The following TWIST2 variants were observed in gnomAD, a reference collection of about 807,000 sequenced individuals.
TWIST2 encodes the protein twist-related protein 2.
A neutral mutation model predicts 11.6 loss-of-function variants in TWIST2; 1 was observed. That is an observed-to-expected ratio of 0.09 (90% confidence interval 0.03 to 0.41). TWIST2 has a LOEUF of 0.41. Among genes scored for constraint, TWIST2 ranks in the 10% least tolerant of loss-of-function variants. TWIST2 has a pLI of 0.98. For missense variants in TWIST2, 168 were observed against 226.4 expected (o/e 0.74, Z 1.66); for synonymous variants, 87 against 96.6 (o/e 0.90, Z 0.58).
At chr2:238,873,729 G>A (rs1692753940) in intron 1 of TWIST2, among the ~76,000 whole-genome samples, 1 of 152,186 alleles carries the variant, frequency 6.6e-6, no homozygotes, top group African/African-American at 2.4e-5. Flanking sequence ...AATCTGGGCC[G>A]AGAGTCACGC....
intron 1 of TWIST2, among the ~76,000 whole-genome samples, chr2:238,902,732 AGT>A (rs1312839016): frequency 5.9e-5 from 4 of 68,214 alleles, no homozygotes; most frequent in Non-Finnish European, 8.1e-5. Flanking sequence ...TGTGTGATGT[AGT>A]GTGTGTGATG....
intron 1 of TWIST2, among the ~76,000 whole-genome samples, chr2:238,870,234 ACACACAAACCACACACCCCACACACAAG>A (rs1692635315): frequency 1.8e-4 from 1 of 5,710 alleles, no homozygotes. Context: ...ATCACATACC[ACACACAAACCACACACCCCACACACAAG>A]CCACACACCC....
At chr2:238,881,120 G>A (rs572434345) in intron 1 of TWIST2, among the ~76,000 whole-genome samples, 25 of 97,040 alleles carry the variant, frequency 2.6e-4, no homozygotes, top group Middle Eastern at 5.8e-3. Flanking sequence ...GTTAGTGTTA[G>A]TATTTATTAG....
At chr2:238,871,166 C>T (rs1559274778) in intron 1 of TWIST2, among the ~76,000 whole-genome samples, 2 of 2,778 alleles carry the variant, frequency 7.2e-4, no homozygotes, top group Middle Eastern at 0.12. Context: ...ACACACCCCA[C>T]ACACACACCA....
At chr2:238,879,877 A>G (rs895952633) in intron 1 of TWIST2, among the ~76,000 whole-genome samples, 24 of 152,392 alleles carry the variant, frequency 1.6e-4, no homozygotes, top group Admixed American at 9.1e-4. Flanking sequence ...AGCATTCTGC[A>G]CAGAGGGAGA....
Position 238,867,370 on chromosome 2 carries a change from AACACACACACACACACAC to A in TWIST2, c.*35+18662_*35+18679del, listed in dbSNP as rs1229428285. Reference sequence around the variant, plus strand: ...CTGGGGAGTAAAATGTCCTGCCTTCAACACACACACACACACACACACACACACACACACACACACACT... The same window carrying A: ...CTGGGGAGTAAAATGTCCTGCCTTCAACACACACACACACACACACACACT... On this transcript the variant is annotated intron_variant, in intron 1 of 1. Coordinates refer to ENST00000612363, the MANE Select transcript of TWIST2 (RefSeq NM_001271893.4). The surrounding 1 kb of genome is among the most constrained non-coding windows in gnomAD (Gnocchi z 4.8). Among the ~76,000 whole-genome samples, 2 of 119,632 alleles carry A rather than the reference AACACACACACACACACAC, an allele frequency of 1.7e-5. No homozygotes were observed. Among genetic ancestry groups the A allele is most frequent in the African/African-American group, 6.6e-5 (2 of 30,320 alleles). 78.5% of individuals were successfully genotyped at this position (119,632 alleles called of 152,430 possible).
intron 1 of TWIST2, among the ~76,000 whole-genome samples, chr2:238,892,600 C>T (rs1226264533): frequency 6.6e-6 from 1 of 151,846 alleles, no homozygotes; most frequent in African/African-American, 2.4e-5. Flanking sequence ...CCTGCCTCAG[C>T]CCCCCGAGTA....
rs1033703076 is a variant in TWIST2, at chr2:238,906,396, C to T, written c.*36-3446C>T. 1.9e-4 allele frequency among the ~76,000 whole-genome samples: 29 copies of T among 151,578 alleles called. No individual in the cohort carries two copies. The South Asian group carries it at 2.3e-3, about 12-fold the overall frequency. ...TGTACACACTTACAAACATGCACAC[C>T]AGCACTTCCACGGGAAAACACATGC... On this transcript the variant is annotated intron_variant, in intron 1 of 1. Coordinates refer to ENST00000612363, the MANE Select transcript of TWIST2 (RefSeq NM_001271893.4).
chr2:238,902,633 TATG>T (rs1394145136), intron 1 of TWIST2, among the ~76,000 whole-genome samples: 8 of 140,106 alleles, frequency 5.7e-5, no homozygotes, highest in South Asian at 2.4e-4. Flanking sequence ...AGGTGTGTGA[TATG>T]AGGTGTGTGA....
intron 1 of TWIST2, among the ~76,000 whole-genome samples, chr2:238,852,755 G>C (rs886279950): frequency 5.3e-5 from 8 of 152,308 alleles, no homozygotes; most frequent in Admixed American, 4.6e-4. Context: ...ATTGACGCCA[G>C]TTTCCTGATT....
At chr2:238,902,896 GTGTGATGGGTA>G (rs1693291571) in intron 1 of TWIST2, among the ~76,000 whole-genome samples, 3 of 132,678 alleles carry the variant, frequency 2.3e-5, no homozygotes, top group Admixed American at 7.6e-5. Flanking sequence ...GATGTGGGGT[GTGTGATGGGTA>G]TGTGCGTGAT....
intron 1 of TWIST2, among the ~76,000 whole-genome samples, chr2:238,905,938 TGTGTGCGCGC>T (rs1693343445): frequency 7.1e-4 from 101 of 142,692 alleles, no homozygotes; most frequent in African/African-American, 2.5e-3. Context: ...TGTGCGCGTG[TGTGTGCGCGC>T]GCGTGTGTAC....
Position 238,863,039 on chromosome 2 carries a change from GT to G in TWIST2, c.*35+14319del, listed in dbSNP as rs372449837. ...TGAAAGAGCTTCCTTTCCTTCTTAT[GT>G]TTTTTTTTTTTTAATTTCTAGATTT... On this transcript the variant is annotated intron_variant, in intron 1 of 1. Coordinates refer to ENST00000612363, the MANE Select transcript of TWIST2 (RefSeq NM_001271893.4). This position sits in a 1 kb window ranked among gnomAD's most constrained non-coding sequence, Gnocchi z 4.7. Among the ~76,000 whole-genome samples, 72,767 of 146,436 alleles carry G rather than the reference GT, an allele frequency of 0.5. 19,987 individuals carry two copies. Among genetic ancestry groups the G allele is most frequent in the Non-Finnish European group, 0.63 (42,230 of 66,908 alleles).
chr2:238,871,704 T>A (rs1193365216), intron 1 of TWIST2, among the ~76,000 whole-genome samples: 2 of 132,590 alleles, frequency 1.5e-5, no homozygotes, highest in African/African-American at 5.7e-5. Flanking sequence ...CACGATGGAA[T>A]GTCATTCTGC....
chr2:238,864,066 C>T lies in TWIST2; in HGVS notation c.*35+15333C>T, dbSNP rs1483785431. 1.3e-5 allele frequency among the ~76,000 whole-genome samples: 2 copies of T among 152,216 alleles called. No individual in the cohort carries two copies. Among genetic ancestry groups the T allele is most frequent in the Non-Finnish European group, 2.9e-5 (2 of 68,030 alleles). On this transcript the variant is annotated intron_variant, in intron 1 of 1. Transcript: ENST00000612363. The surrounding 1 kb of genome is among the most constrained non-coding windows in gnomAD (Gnocchi z 4.7). The stretch of plus-strand genomic sequence containing the variant: ...TTTTCGTTAAGCCTGTCTTCCTTTA[C>T]ACCCTGGGCTACATTTGACGCATAT...
chr2:238,884,672 GA>G (rs1342977632), intron 1 of TWIST2, among the ~76,000 whole-genome samples: 1 of 152,222 alleles, frequency 6.6e-6, no homozygotes, highest in Admixed American at 6.5e-5. Context: ...CTCTATCATG[GA>G]GAAGGGCTCA....
At chr2:238,851,079 T>C (rs1195591589) in intron 1 of TWIST2, among the ~76,000 whole-genome samples, 2 of 152,258 alleles carry the variant, frequency 1.3e-5, no homozygotes, top group Admixed American at 1.3e-4. Flanking sequence ...CTAAGAAGCA[T>C]TAATTATATG....
intron 1 of TWIST2, among the ~76,000 whole-genome samples, chr2:238,883,609 G>A (rs1692978082): frequency 6.6e-6 from 1 of 152,188 alleles, no homozygotes. Context: ...TTTGAAGACA[G>A]ATCAGGGAAA....
At chr2:238,856,256 G>A (rs2106350060) in intron 1 of TWIST2, among the ~76,000 whole-genome samples, 1 of 152,250 alleles carries the variant, frequency 6.6e-6, no homozygotes, top group Non-Finnish European at 1.5e-5. Context: ...CATTTTACTG[G>A]GTGTTAAATT....
Sources: allele counts gnomAD v4.1 joint callset (sites outside exome capture counted in the v4.1 genomes callset), GRCh38; gene constraint gnomAD v4.1.1; non-coding constraint Gnocchi (gnomAD v3.1); transcripts MANE v1.5; gene names NCBI Gene and HGNC (gene_info 2026-07-23, HGNC 2026-07-21).